Variants in PTPRO observed in about 807,000 individuals in gnomAD.
The protein encoded by PTPRO is protein tyrosine phosphatase receptor type O, also known as receptor-type tyrosine-protein phosphatase O.
PTPRO carries 62 observed loss-of-function variants against 145.2 expected under a neutral mutation model. The observed-to-expected ratio is 0.43, with a 90% confidence interval of 0.35 to 0.53. PTPRO has a LOEUF of 0.53. Among genes scored for constraint, PTPRO ranks in the 20% least tolerant of loss-of-function variants. The pLI is 0.01. For synonymous variants in PTPRO, 565 were observed against 514.7 expected (o/e 1.10, Z -1.32); for missense variants, 1,345 against 1,482.7 (o/e 0.91, Z 1.53).
intron 2 of PTPRO, among the ~76,000 whole-genome samples, chr12:15,488,939 T>C (rs253857): frequency 0.02 from 3,022 of 152,226 alleles, 114 homozygotes; most frequent in East Asian, 0.14. Context: ...AAATGTCACA[T>C]ACACACAGCT....
chr12:15,589,731 G>T, intron 25 of PTPRO, 141 bp downstream of exon 25: 1 of 1,028,654 alleles, frequency 9.7e-7, no homozygotes. Flanking sequence ...TGTTCAAACT[G>T]CTTTGAGGCA....
chr12:15,435,771 G>A (rs1940578814), intron 1 of PTPRO, among the ~76,000 whole-genome samples: 1 of 152,140 alleles, frequency 6.6e-6, no homozygotes. Flanking sequence ...CAGTACCATG[G>A]ATAGCAGAAC....
intron 21 of PTPRO, among the ~76,000 whole-genome samples, chr12:15,580,360 C>G (rs1047632490): frequency 2.0e-5 from 3 of 152,212 alleles, no homozygotes; most frequent in African/African-American, 7.2e-5. Context: ...AAGATCACCT[C>G]TCTTATGTTT....
intron 12 of PTPRO, chr12:15,546,355 TA>T (rs1943288208): frequency 2.1e-6 from 3 of 1,395,572 alleles, no homozygotes; most frequent in Admixed American, 3.0e-5. Context: ...AAAAGAGAAG[TA>T]AAAAAATGGA....
intron 1 of PTPRO, among the ~76,000 whole-genome samples, chr12:15,385,073 T>G (rs1053762471): frequency 6.6e-6 from 1 of 152,220 alleles, no homozygotes; most frequent in Non-Finnish European, 1.5e-5. Context: ...TAAATTATTT[T>G]TACCAGAAAA....
chr12:15,407,796 A>G (rs894185117), intron 1 of PTPRO, among the ~76,000 whole-genome samples: 5 of 152,206 alleles, frequency 3.3e-5, no homozygotes, highest in Non-Finnish European at 5.9e-5. Flanking sequence ...TATTTCTTCA[A>G]ATTTTTCTCT....
intron 1 of PTPRO, chr12:15,337,560 TGA>T (rs956586371): frequency 2.6e-5 from 4 of 152,152 alleles, no homozygotes; most frequent in Admixed American, 6.5e-5. Flanking sequence ...TGCTCTAAGA[TGA>T]ACTAACCATA....
chr12:15,541,738 G>A (rs1236562341), intron 12 of PTPRO, among the ~76,000 whole-genome samples: 1 of 152,240 alleles, frequency 6.6e-6, no homozygotes, highest in East Asian at 1.9e-4. Flanking sequence ...CATCCTGGGT[G>A]TGGTGGCTTA....
At chr12:15,378,219 A>C (rs1938745166) in intron 1 of PTPRO, among the ~76,000 whole-genome samples, 1 of 152,014 alleles carries the variant, frequency 6.6e-6, no homozygotes, top group Admixed American at 6.6e-5. Flanking sequence ...GGTTTTTTTG[A>C]AAAGATCAAC....
intron 1 of PTPRO, among the ~76,000 whole-genome samples, chr12:15,361,937 C>G (rs1031257534): frequency 1.3e-5 from 2 of 152,144 alleles, no homozygotes; most frequent in African/African-American, 4.8e-5. Flanking sequence ...GACTTGTCAG[C>G]TTTCCAGGCT....
At chr12:15,540,069 C>A (rs1943150836) in intron 12 of PTPRO, among the ~76,000 whole-genome samples, 1 of 152,046 alleles carries the variant, frequency 6.6e-6, no homozygotes. Flanking sequence ...ATATTTCTCT[C>A]CTTAATTTCA....
At chr12:15,389,893 A>T (rs1164673948) in intron 1 of PTPRO, among the ~76,000 whole-genome samples, 1 of 152,222 alleles carries the variant, frequency 6.6e-6, no homozygotes, top group Non-Finnish European at 1.5e-5. Context: ...AAGTTTCCTT[A>T]AAAAACTTTT....
chr12:15,461,180 A>T (rs1941292054), intron 1 of PTPRO, among the ~76,000 whole-genome samples: 2 of 152,216 alleles, frequency 1.3e-5, no homozygotes, highest in African/African-American at 4.8e-5. Context: ...ACAATTCTTT[A>T]TCTTAACCCA....
chr12:15,368,171 C>A (rs1186406377), intron 1 of PTPRO, among the ~76,000 whole-genome samples: 3 of 152,174 alleles, frequency 2.0e-5, no homozygotes. Flanking sequence ...CCTGCCAAGC[C>A]TTTAGCTGTT....
intron 3 of PTPRO, 36 bp downstream of exon 3, chr12:15,497,439 C>G (rs371687990): frequency 1.2e-5 from 19 of 1,601,454 alleles, no homozygotes; most frequent in Non-Finnish European, 1.5e-5. Flanking sequence ...CAATGATGAC[C>G]CTCACTTTTT....
At chr12:15,399,624 A>G (rs1939433719) in intron 1 of PTPRO, among the ~76,000 whole-genome samples, 1 of 152,212 alleles carries the variant, frequency 6.6e-6, no homozygotes. Context: ...ATTTTGTTTC[A>G]TGTATAAAGA....
chr12:15,597,825 T>C lies in PTPRO; in HGVS notation c.*1752T>C, dbSNP rs988437409. On this transcript the variant is annotated 3_prime_UTR_variant, in exon 27 of 27. Transcript: ENST00000281171. ...TTATTTCCCTTTTTGGACATTTTAA[T>C]AATGTGTCGCACCATTCTCAGGAAC... Among the ~76,000 whole-genome samples the C allele has an allele frequency of 7.2e-5, 11 of 152,182 alleles. No homozygotes were observed. Among genetic ancestry groups the C allele is most frequent in the Non-Finnish European group, 1.5e-4 (10 of 68,034 alleles).
At chr12:15,580,634 G>A (rs1944289913) in intron 21 of PTPRO, 63 bp from the exon 22 acceptor site, 10 of 1,607,576 alleles carry the variant, frequency 6.2e-6, no homozygotes, top group Non-Finnish European at 8.5e-6. Flanking sequence ...TCCCATAGGC[G>A]TGAAGCAGCA....
intron 1 of PTPRO, among the ~76,000 whole-genome samples, chr12:15,397,883 T>C (rs1455436955): frequency 2.7e-5 from 4 of 150,924 alleles, no homozygotes; most frequent in East Asian, 1.9e-4. Flanking sequence ...GTAGGCCTTA[T>C]GGAAGTTGGG....
Sources: allele counts gnomAD v4.1 joint callset (sites outside exome capture counted in the v4.1 genomes callset), GRCh38; gene constraint gnomAD v4.1.1; transcripts MANE v1.5; gene names NCBI Gene and HGNC (gene_info 2026-07-23, HGNC 2026-07-21).